The following E2F4 variants were observed in gnomAD, a reference collection of about 807,000 sequenced individuals.
E2F4 encodes E2F transcription factor 4, also known as transcription factor E2F4.
E2F4 carries 16 observed loss-of-function variants against 44.5 expected under a neutral mutation model. The observed-to-expected ratio is 0.36, with a 90% CI of 0.24 to 0.55. The LOEUF (loss-of-function observed/expected upper bound fraction) is 0.55, where lower values mean the gene tolerates loss of function less well. Ranked by LOEUF, E2F4 falls within the 20% of genes least tolerant of loss-of-function variation. E2F4 has a pLI of 0.87. For synonymous variants in E2F4, 242 were observed against 207.2 expected, an observed-to-expected ratio of 1.17 and a Z score of -1.44; for missense variants, 473 against 522.1, an observed-to-expected ratio of 0.91 and a Z score of 0.92.
intron 7 of E2F4, among the ~76,000 whole-genome samples, chr16:67,196,299 C>A (rs1448067706): frequency 6.6e-6 from 1 of 152,194 alleles, no homozygotes; most frequent in Non-Finnish European, 1.5e-5. Context: ...TCCTTTCTGT[C>A]TGGACTCCTT....
intron 7 of E2F4, 114 bp from the exon 8 acceptor site, chr16:67,197,485 T>C: frequency 9.3e-7 from 1 of 1,073,144 alleles, no homozygotes; most frequent in Non-Finnish European, 1.4e-6. Context: ...GACCTACATC[T>C]CCTTAGCTGT....
intron 3 of E2F4, 144 bp from the exon 4 acceptor site, chr16:67,193,328 C>T (rs2032918066): frequency 1.3e-6 from 2 of 1,484,918 alleles, no homozygotes; most frequent in African/African-American, 1.4e-5. Flanking sequence ...CACTCTTAGC[C>T]TGTGATCCCT....
At chr16:67,195,503 G>A (rs2032952766) in intron 6 of E2F4, 1 of 565,876 alleles carries the variant, frequency 1.8e-6, no homozygotes, top group Non-Finnish European at 3.0e-6. Flanking sequence ...TTCTCCCCCA[G>A]ATCCACATCC....
Position 67,192,356 on chromosome 16 carries a change from C to T in E2F4, c.129C>T (p.Leu43=), listed in dbSNP as rs1597274329. Residue 43 remains leucine, a synonymous_variant, in exon 1 of 10, where the codon CTC becomes CTT. Coordinates refer to ENST00000379378, the MANE Select transcript of E2F4 (RefSeq NM_001950.4). The part of the protein sequence containing the change: ...LQEAKDGVLD[L]KLAADTLAVR... ...AGGCCAAGGACGGCGTGCTTGACCTCAAGCTGGTGCGGCCTGGGCTAAGGG... is the reference window on the plus strand; with the variant it reads ...AGGCCAAGGACGGCGTGCTTGACCTTAAGCTGGTGCGGCCTGGGCTAAGGG... 1.4e-6 allele frequency: 2 copies of T among 1,415,322 alleles called. No individual in the cohort carries two copies. The highest frequency in any genetic ancestry group is 2.9e-5 in the African/African-American group (2 of 68,822). 87.7% of individuals were successfully genotyped at this position (1,415,322 alleles called of 1,614,324 possible).
intron 6 of E2F4, 143 bp downstream of exon 6, chr16:67,195,123 T>C (rs1238171654): frequency 1.4e-5 from 15 of 1,099,580 alleles, no homozygotes; most frequent in East Asian, 2.6e-5. Flanking sequence ...GCTATGGTAA[T>C]GAATGAGCCT....
intron 4 of E2F4, 126 bp downstream of exon 4, chr16:67,193,641 C>G (rs1304133064): frequency 1.9e-6 from 2 of 1,032,778 alleles, no homozygotes; most frequent in African/African-American, 3.2e-5. Flanking sequence ...CAGAGAGGAA[C>G]CAGGCAGGGT....
chr16:67,194,869 C>T lies in E2F4; in HGVS notation c.697C>T (p.Leu233=). The T allele has an allele frequency of 6.2e-7, 1 of 1,614,192 alleles. No homozygotes were observed. The highest frequency in any genetic ancestry group is 8.5e-7 in the Non-Finnish European group (1 of 1,180,034). ...ACCTCCACCTCTGCCCAAGCCTGCC[C>T]TAGCCCAGTCCCAGGAAGCCTCACG... ...STPPPLPKPA[L]AQSQEASRPN... is the part of the protein sequence containing the mutation. Residue 233 remains leucine (L), a synonymous_variant, in exon 6 of 10, where the codon CTA becomes TTA. Transcript: ENST00000379378.
intron 4 of E2F4, 185 bp from the exon 5 acceptor site, chr16:67,194,213 A>T: frequency 3.3e-6 from 2 of 601,458 alleles, no homozygotes; most frequent in Non-Finnish European, 5.7e-6. Flanking sequence ...TTTCCTGGTT[A>T]CTGACCCTGG....
chr16:67,197,014 T>C (rs2032979860), intron 7 of E2F4, among the ~76,000 whole-genome samples: 1 of 152,186 alleles, frequency 6.6e-6, no homozygotes, highest in South Asian at 2.1e-4. Context: ...CTTTCTGAAA[T>C]GCAGGCCTGA....
intron 4 of E2F4, among the ~76,000 whole-genome samples, chr16:67,193,816 A>G (rs777920666): frequency 6.6e-6 from 1 of 152,156 alleles, no homozygotes; most frequent in Non-Finnish European, 1.5e-5. Context: ...GAGAGAGGAT[A>G]TGTGTGTATT....
intron 7 of E2F4, 75 bp downstream of exon 7, chr16:67,196,081 G>C (rs1023764557): frequency 1.3e-6 from 2 of 1,593,742 alleles, no homozygotes; most frequent in Non-Finnish European, 1.7e-6. Context: ...AACAGAATTG[G>C]GGATGGAACC....
Position 67,195,864 on chromosome 16 carries a change from G to A in E2F4, c.891G>A (p.Arg297=). The part of the protein sequence containing the change: ...LPLGPTTLDT[R]PLQSSALLDS... The stretch of plus-strand genomic sequence containing the variant: ...TGGGCCCAACAACACTGGACACCCG[G>A]CCACTGCAGTCTTCTGCCCTGCTGG... The change falls in exon 7 of 10, where the codon CGG becomes CGA. Residue 297 remains arginine, a synonymous_variant. Transcript: ENST00000379378. 1 of 1,614,040 alleles carries A rather than the reference G, an allele frequency of 6.2e-7. No homozygotes were observed. Among genetic ancestry groups the A allele is most frequent in the Admixed American group, 1.7e-5 (1 of 60,010 alleles).
intron 9 of E2F4, 35 bp from the exon 10 acceptor site, chr16:67,197,973 C>G: frequency 1.2e-6 from 2 of 1,614,064 alleles, no homozygotes; most frequent in Non-Finnish European, 1.7e-6. Flanking sequence ...CTAGGGGAGC[C>G]CTGGCCCAGG....
At chr16:67,193,319 A>T in intron 3 of E2F4, 149 bp downstream of exon 3, 2 of 1,486,168 alleles carry the variant, frequency 1.3e-6, no homozygotes, top group South Asian at 2.4e-5. Context: ...CTCCCCTTCC[A>T]CTCTTAGCCT....
chr16:67,195,672 T>G, intron 6 of E2F4, 110 bp from the exon 7 acceptor site: 1 of 1,544,204 alleles, frequency 6.5e-7, no homozygotes. Flanking sequence ...TAATTCTCCT[T>G]GGGTCTGGGA....
intron 7 of E2F4, 105 bp downstream of exon 7, chr16:67,196,111 GCTGGACACGAGAGCTCT>G: frequency 6.5e-7 from 1 of 1,527,536 alleles, no homozygotes; most frequent in Non-Finnish European, 9.0e-7. Flanking sequence ...TGTCAACCCT[GCTGGACACGAGAGCTCT>G]CTGCCAGCAC....
chr16:67,194,027 G>A (rs1282864264), intron 4 of E2F4: 1 of 260,786 alleles, frequency 3.8e-6, no homozygotes, highest in Non-Finnish European at 7.4e-6. Flanking sequence ...TGGGATTATG[G>A]GTGTGAGCCA....
chr16:67,192,444 C>G, intron 1 of E2F4, 82 bp downstream of exon 1: 2 of 1,387,216 alleles, frequency 1.4e-6, no homozygotes, highest in Non-Finnish European at 1.9e-6. Flanking sequence ...GGCGGCCCAG[C>G]TGGGTCCTCC....
Position 67,194,762 on chromosome 16 carries a change from A to G in E2F4, c.590A>G (p.Lys197Arg). The G allele has an allele frequency of 6.2e-7, 1 of 1,614,170 alleles. No homozygotes were observed. Among genetic ancestry groups the G allele is most frequent in the Non-Finnish European group, 8.5e-7 (1 of 1,180,016 alleles). Reference sequence around the variant, plus strand: ...CCCATTGAGGTTCTGCTGGTGAACAAGGAGGCATGGAGCTCACCCCCTGTG... The same window carrying G: ...CCCATTGAGGTTCTGCTGGTGAACAGGGAGGCATGGAGCTCACCCCCTGTG... Reference protein sequence around the residue: ...SGPIEVLLVNKEAWSSPPVAV... With the variant: ...SGPIEVLLVNREAWSSPPVAV... Residue 197 changes from lysine (K) to arginine (R), a missense_variant, in exon 6 of 10, where the codon AAG (lysine) becomes AGG (arginine). Lys to Arg is a conservative substitution (Grantham distance 26, BLOSUM62 2). This residue lies in a region of E2F4 where 314 missense variants were observed against 315.6 expected (regional missense o/e 0.99). Coordinates refer to ENST00000379378, the MANE Select transcript of E2F4 (RefSeq NM_001950.4).
Sources: gnomAD v4.1 joint callset for allele counts (sites outside exome capture counted in the v4.1 genomes callset) on GRCh38, gnomAD v4.1.1 for gene constraint, gnomAD v4.1.1 regional missense constraint, MANE v1.5 for transcripts, NCBI Gene and HGNC (gene_info 2026-07-23, HGNC 2026-07-21) for gene names.